Variants in BCAS3 observed in about 807,000 individuals in gnomAD.
The protein encoded by BCAS3 is BCAS4/BCAS3 fusion.
Under a neutral mutation model 116.1 loss-of-function variants are expected in BCAS3, and 53 were observed. The ratio of observed to expected loss-of-function variants is 0.46; its 90% CI spans 0.37 to 0.57. The LOEUF is 0.57. BCAS3 is among the 20% of genes least tolerant of loss of function. The pLI, the probability that BCAS3 is intolerant of heterozygous loss-of-function variation, is 0.00. For synonymous variants in BCAS3, 391 were observed against 408.2 expected (o/e 0.96, Z 0.51); for missense variants, 917 against 1,165.4 (o/e 0.79, Z 3.10).
At chr17:60,992,256 T>G (rs1475665281) in intron 15 of BCAS3, among the ~76,000 whole-genome samples, 1 of 147,156 alleles carries the variant, frequency 6.8e-6, no homozygotes, top group Non-Finnish European at 1.5e-5. Context: ...AAAGATAGAC[T>G]GAAAAAATAT....
At chr17:61,135,948 G>A (rs1471598756) in intron 22 of BCAS3, 1 of 155,204 alleles carries the variant, frequency 6.4e-6, no homozygotes, top group Non-Finnish European at 1.4e-5. Flanking sequence ...AAAGCCTTTA[G>A]GATCTGGCTC....
At chr17:61,247,923 A>G (rs1345129740) in intron 22 of BCAS3, among the ~76,000 whole-genome samples, 2 of 152,210 alleles carry the variant, frequency 1.3e-5, no homozygotes, top group Admixed American at 6.5e-5. Flanking sequence ...AAATAATGTT[A>G]GAAGAGCAGC....
chr17:61,329,061 G>GT (rs1476094830), intron 22 of BCAS3, among the ~76,000 whole-genome samples: 1 of 149,538 alleles, frequency 6.7e-6, no homozygotes. Context: ...CGCCCGGCTA[G>GT]TTTTTTGTAT....
chr17:61,085,805 T>C (rs1434491834), intron 22 of BCAS3, among the ~76,000 whole-genome samples: 1 of 152,218 alleles, frequency 6.6e-6, no homozygotes, highest in African/African-American at 2.4e-5. Context: ...TTTTTTATAG[T>C]CACATTCTGA....
chr17:60,999,696 T>C (rs1196124574), intron 15 of BCAS3, among the ~76,000 whole-genome samples: 1 of 152,184 alleles, frequency 6.6e-6, no homozygotes. Context: ...AAGATGACAT[T>C]AGTAATTTGG....
chr17:61,261,325 T>TA lies in BCAS3; in HGVS notation c.2426-107000dup, dbSNP rs2144587730. On this transcript the variant is annotated intron_variant, in intron 22 of 23. Coordinates refer to ENST00000407086, the MANE Select transcript of BCAS3 (RefSeq NM_017679.5). The surrounding 1 kb of genome is among the most constrained non-coding windows in gnomAD (Gnocchi z 4.4). The stretch of plus-strand genomic sequence containing the variant: ...CAGTCTTAGCTGGGCGAGGGACAGT[T>TA]AAGTAAAAAGAGTTCTGCTTATTCT... 6.6e-6 allele frequency among the ~76,000 whole-genome samples: 1 copy of TA among 152,318 alleles called. No individual in the cohort carries two copies. Among genetic ancestry groups the TA allele is most frequent in the South Asian group, 2.1e-4 (1 of 4,818 alleles).
chr17:61,270,112 ATTTTTTTTT>A (rs1202865412), intron 22 of BCAS3, among the ~76,000 whole-genome samples: 1 of 68,814 alleles, frequency 1.5e-5, no homozygotes, highest in Admixed American at 1.8e-4. Context: ...GCCTTCTGCC[ATTTTTTTTT>A]TTTTTTTTTT....
At chr17:61,046,968 T>C (rs1336122706) in intron 19 of BCAS3, among the ~76,000 whole-genome samples, 3 of 151,890 alleles carry the variant, frequency 2.0e-5, no homozygotes, top group Non-Finnish European at 4.4e-5. Context: ...AGCCCAGTAA[T>C]CATAATAAAT....
chr17:61,357,746 A>T (rs972038186), intron 22 of BCAS3, among the ~76,000 whole-genome samples: 6 of 148,842 alleles, frequency 4.0e-5, no homozygotes, highest in Non-Finnish European at 8.9e-5. Context: ...CCGGCCAAAA[A>T]TTTTTTTAAA....
Position 61,051,600 on chromosome 17 carries a change from T to G in BCAS3, c.2029+10708T>G, listed in dbSNP as rs1391027519. 6.6e-6 allele frequency among the ~76,000 whole-genome samples: 1 copy of G among 152,184 alleles called. No homozygotes were observed. The highest frequency in any genetic ancestry group is 2.4e-5 in the African/African-American group (1 of 41,442). ...TCTTTAATCATTTCAAAATAAAAAC[T>G]TGTTTTCTTTTAATGGTGATAGGGT... On this transcript the variant is annotated intron_variant, in intron 19 of 23. Transcript: ENST00000407086. The surrounding 1 kb of genome is among the most constrained non-coding windows in gnomAD (Gnocchi z 4.1).
rs1177983621 is a variant in BCAS3, at chr17:61,244,591, C to T, written c.2426-123736C>T. 3.9e-5 allele frequency among the ~76,000 whole-genome samples: 6 copies of T among 152,302 alleles called. No homozygotes were observed. Among genetic ancestry groups the T allele is most frequent in the East Asian group, 1.9e-4 (1 of 5,184 alleles). On this transcript the variant is annotated intron_variant, in intron 22 of 23. Coordinates refer to ENST00000407086, the MANE Select transcript of BCAS3 (RefSeq NM_017679.5). The surrounding 1 kb of genome is among the most constrained non-coding windows in gnomAD (Gnocchi z 4.9). Reference sequence around the variant, plus strand: ...AAAAATTGGATATATAGGCCCGGCGCGGTGGCTCATGCCTGTAATCCCAGC... The same window carrying T: ...AAAAATTGGATATATAGGCCCGGCGTGGTGGCTCATGCCTGTAATCCCAGC...
At chr17:60,903,815 A>G (rs2145069549) in intron 11 of BCAS3, among the ~76,000 whole-genome samples, 1 of 152,344 alleles carries the variant, frequency 6.6e-6, no homozygotes, top group African/African-American at 2.4e-5. Context: ...TGAAGAGCTG[A>G]GAGAGAGTAT....
intron 22 of BCAS3, among the ~76,000 whole-genome samples, chr17:61,164,712 G>A (rs546126008): frequency 7.2e-5 from 11 of 152,184 alleles, no homozygotes; most frequent in East Asian, 5.8e-4. Flanking sequence ...GGTGTCATGC[G>A]CTTGGACTTC....
intron 22 of BCAS3, among the ~76,000 whole-genome samples, chr17:61,086,198 C>G (rs1381738007): frequency 6.6e-6 from 1 of 152,230 alleles, no homozygotes; most frequent in African/African-American, 2.4e-5. Context: ...AAGCAATTCT[C>G]CTATCTCGGC....
In BCAS3 at chr17:61,307,644, T is replaced by C. The variant is rs2053953880; in HGVS notation, c.2426-60683T>C. Among the ~76,000 whole-genome samples the C allele has an allele frequency of 6.6e-6, 1 of 152,256 alleles. No individual in the cohort carries two copies. The highest frequency in any genetic ancestry group is 1.5e-5 in the Non-Finnish European group (1 of 68,040). On this transcript the variant is annotated intron_variant, in intron 22 of 23. Transcript: ENST00000407086. This position sits in a 1 kb window ranked among gnomAD's most constrained non-coding sequence, Gnocchi z 4.7. ...GGAGCTATATAAATCTGAGAAACTGTAGAGAGGACTCTAACTAATTTTATG... is the reference window on the plus strand; with the variant it reads ...GGAGCTATATAAATCTGAGAAACTGCAGAGAGGACTCTAACTAATTTTATG...
At chr17:60,700,199 T>C (rs1025330041) in intron 4 of BCAS3, among the ~76,000 whole-genome samples, 3 of 143,968 alleles carry the variant, frequency 2.1e-5, no homozygotes, top group Non-Finnish European at 4.4e-5. Context: ...GCAGTTCAAC[T>C]CTTACGTGAA....
Position 60,961,058 on chromosome 17 carries a change from A to C in BCAS3, c.1221+13706A>C, listed in dbSNP as rs147350995. 3.3e-5 allele frequency among the ~76,000 whole-genome samples: 5 copies of C among 151,928 alleles called. No homozygotes were observed. The South Asian group carries it at 1.0e-3, about 32-fold the overall frequency. ...CAGAGCACATTTTCCCAACCATGAA[A>C]CTCCTCATAGTAACATCTTTTTCTC... On this transcript the variant is annotated intron_variant, in intron 14 of 23. Transcript: ENST00000407086. The surrounding 1 kb of genome is among the most constrained non-coding windows in gnomAD (Gnocchi z 4.8).
Position 60,879,838 on chromosome 17 carries a change from T to C in BCAS3, c.661+5100T>C, listed in dbSNP as rs1439420919. Among the ~76,000 whole-genome samples the C allele has an allele frequency of 6.6e-5, 10 of 152,226 alleles. No homozygotes were observed. In the East Asian group the frequency reaches 1.7e-3, roughly 26 times the overall value. ...TTTACTTTAAAATGCAAAATTATCT[T>C]TAAGTTTTGAAAGAGGAGCTCTGCT... On this transcript the variant is annotated intron_variant, in intron 9 of 23. Transcript: ENST00000407086.
At chr17:60,807,226 A>G (rs1017896263) in intron 6 of BCAS3, among the ~76,000 whole-genome samples, 1 of 152,162 alleles carries the variant, frequency 6.6e-6, no homozygotes, top group African/African-American at 2.4e-5. Context: ...AGGTAAATCT[A>G]ATTCAGTTAT....
Sources: gnomAD v4.1 joint callset for allele counts (sites outside exome capture counted in the v4.1 genomes callset) on GRCh38, gnomAD v4.1.1 for gene constraint, Gnocchi (gnomAD v3.1) non-coding constraint, MANE v1.5 for transcripts, NCBI Gene and HGNC (gene_info 2026-07-23, HGNC 2026-07-21) for gene names.